TDRD3: variants seen among roughly 807,000 people sequenced by gnomAD.
TDRD3 encodes the protein tudor domain-containing protein 3.
In TDRD3, 45 loss-of-function variants were observed where a neutral mutation model predicts 86.7. The observed-to-expected ratio is 0.52, with a 90% confidence interval of 0.41 to 0.67. The LOEUF (loss-of-function observed/expected upper bound fraction) is 0.67, where lower values mean the gene tolerates loss of function less well. Among genes scored for constraint, TDRD3 ranks in the 30% least tolerant of loss-of-function variants. The pLI is 0.00. For synonymous variants in TDRD3, 298 were observed against 301.7 expected, an observed-to-expected ratio of 0.99 and a Z score of 0.13; for missense variants, 814 against 889.0, an observed-to-expected ratio of 0.92 and a Z score of 1.07.
intron 8 of TDRD3, among the ~76,000 whole-genome samples, chr13:60,506,503 T>C (rs1347150717): frequency 2.0e-5 from 3 of 152,146 alleles, no homozygotes; most frequent in African/African-American, 7.2e-5. Context: ...CCCAGCACTT[T>C]TGGAGGCCAG....
At chr13:60,414,413 A>C (rs547984472) in intron 1 of TDRD3, among the ~76,000 whole-genome samples, 1 of 152,274 alleles carries the variant, frequency 6.6e-6, no homozygotes, top group Non-Finnish European at 1.5e-5. Context: ...TTGTGACAGA[A>C]ATCAAATATT....
chr13:60,460,343 AC>A, intron 3 of TDRD3, 36 bp from the exon 4 acceptor site: 1 of 1,533,918 alleles, frequency 6.5e-7, no homozygotes, highest in Non-Finnish European at 8.7e-7. Flanking sequence ...GAGTTTCATG[AC>A]TAGAAAGTGA....
intron 1 of TDRD3, among the ~76,000 whole-genome samples, chr13:60,424,718 C>A (rs753489200): frequency 6.6e-6 from 1 of 152,114 alleles, no homozygotes; most frequent in Non-Finnish European, 1.5e-5. Flanking sequence ...AGTAGCTTTT[C>A]GTATATTCAC....
intron 7 of TDRD3, among the ~76,000 whole-genome samples, chr13:60,494,136 T>TA (rs1444346519): frequency 6.6e-6 from 1 of 152,190 alleles, no homozygotes; most frequent in Non-Finnish European, 1.5e-5. Flanking sequence ...TTTTAACAAG[T>TA]AGTCTTCATA....
At chr13:60,424,321 A>AG (rs1954743028) in intron 1 of TDRD3, among the ~76,000 whole-genome samples, 1 of 151,584 alleles carries the variant, frequency 6.6e-6, no homozygotes, top group Admixed American at 6.6e-5. Context: ...GCCCCCAGAC[A>AG]GTGGTTTTTA....
chr13:60,509,759 C>A lies in TDRD3; in HGVS notation c.859-4C>A. ...CAGCCAGCTTTTCTCTTTATTCCTTCCAGGTTGATGAGAAAGCTCTGAAGC... is the reference window on the plus strand; with the variant it reads ...CAGCCAGCTTTTCTCTTTATTCCTTACAGGTTGATGAGAAAGCTCTGAAGC... On this transcript the variant is annotated splice_region_variant and splice_polypyrimidine_tract_variant and intron_variant, in intron 8 of 13. Transcript: ENST00000377881. The A allele has an allele frequency of 6.2e-7, 1 of 1,613,514 alleles. No homozygotes were observed. The highest frequency in any genetic ancestry group is 1.3e-5 in the African/African-American group (1 of 75,016).
At chr13:60,491,007 C>T (rs183490695) in intron 7 of TDRD3, among the ~76,000 whole-genome samples, 33 of 151,774 alleles carry the variant, frequency 2.2e-4, no homozygotes, top group African/African-American at 6.5e-4. Context: ...ATCCCAGCTA[C>T]TCGGGAGCCT....
intron 3 of TDRD3, among the ~76,000 whole-genome samples, chr13:60,455,058 C>A (rs916098501): frequency 6.6e-6 from 1 of 151,868 alleles, no homozygotes; most frequent in Non-Finnish European, 1.5e-5. Context: ...GGATTACAGG[C>A]GCCTGCCACC....
chr13:60,504,642 G>C (rs1188755049), intron 8 of TDRD3, among the ~76,000 whole-genome samples: 1 of 152,164 alleles, frequency 6.6e-6, no homozygotes, highest in Non-Finnish European at 1.5e-5. Flanking sequence ...TTCGGTGGTG[G>C]CTGGCAAGAT....
At chr13:60,527,266 G>A (rs1957463247) in intron 10 of TDRD3, among the ~76,000 whole-genome samples, 1 of 152,140 alleles carries the variant, frequency 6.6e-6, no homozygotes, top group African/African-American at 2.4e-5. Context: ...GGAAATGTTT[G>A]GGGAAAGTTT....
chr13:60,439,334 T>G (rs992834997), intron 1 of TDRD3, among the ~76,000 whole-genome samples: 1 of 152,144 alleles, frequency 6.6e-6, no homozygotes, highest in African/African-American at 2.4e-5. Flanking sequence ...CATCTCAATC[T>G]CTTTTTAAGA....
At chr13:60,535,466 G>T in intron 12 of TDRD3, 1 of 317,636 alleles carries the variant, frequency 3.1e-6, no homozygotes, top group Non-Finnish European at 5.1e-6. Context: ...TTATGCTTTG[G>T]AAATAGGTGC....
intron 1 of TDRD3, among the ~76,000 whole-genome samples, chr13:60,407,291 T>C (rs1318523260): frequency 6.6e-6 from 1 of 152,204 alleles, no homozygotes; most frequent in Non-Finnish European, 1.5e-5. Context: ...CTTAAATACT[T>C]GTGGAATGAA....
intron 1 of TDRD3, among the ~76,000 whole-genome samples, chr13:60,424,799 T>C (rs1208302468): frequency 1.3e-5 from 2 of 152,254 alleles, no homozygotes; most frequent in African/African-American, 4.8e-5. Flanking sequence ...ATCATTCCCC[T>C]TTCCTCCTAG....
At chr13:60,413,837 T>G (rs1287043264) in intron 1 of TDRD3, among the ~76,000 whole-genome samples, 5 of 152,118 alleles carry the variant, frequency 3.3e-5, no homozygotes, top group Non-Finnish European at 7.4e-5. Flanking sequence ...CATTAGCATT[T>G]TATAATCTTA....
At chr13:60,523,469 A>T (rs931711543) in intron 10 of TDRD3, among the ~76,000 whole-genome samples, 1 of 152,068 alleles carries the variant, frequency 6.6e-6, no homozygotes. Flanking sequence ...TACTAAACTC[A>T]TATAGCATTC....
chr13:60,501,695 G>T (rs1250082405), intron 8 of TDRD3, among the ~76,000 whole-genome samples: 1 of 152,118 alleles, frequency 6.6e-6, no homozygotes, highest in Non-Finnish European at 1.5e-5. Context: ...TCCACAAAAT[G>T]CTTAAACCTT....
At position 60,539,030 on chromosome 13, in the gene TDRD3, G is replaced by T. The variant is rs892537757; in HGVS notation, c.2118+3797G>T. 4.3e-4 allele frequency among the ~76,000 whole-genome samples: 66 copies of T among 152,084 alleles called. 2 individuals are homozygous for T. On this transcript the variant is annotated intron_variant, in intron 12 of 13. Transcript: ENST00000377881. The stretch of plus-strand genomic sequence containing the variant: ...CATTGTTCAGCTATTATTTCAACTA[G>T]AAAAATGATTATTGTGTAGGTAATT...
chr13:60,409,178 C>T (rs1436121661), intron 1 of TDRD3, among the ~76,000 whole-genome samples: 1 of 152,222 alleles, frequency 6.6e-6, no homozygotes, highest in Non-Finnish European at 1.5e-5. Flanking sequence ...AGAATCTCTA[C>T]CTAGATTTCA....
Sources: allele counts gnomAD v4.1 joint callset (sites outside exome capture counted in the v4.1 genomes callset), GRCh38; gene constraint gnomAD v4.1.1; transcripts MANE v1.5; gene names NCBI Gene and HGNC (gene_info 2026-07-23, HGNC 2026-07-21).